Variants in DLGAP2 observed in about 807,000 individuals in gnomAD.
The protein encoded by DLGAP2 is disks large-associated protein 2.
DLGAP2 carries 26 observed loss-of-function variants against 100.3 expected under a neutral mutation model. The ratio of observed to expected loss-of-function variants is 0.26; its 90% CI spans 0.19 to 0.36. The LOEUF is 0.36. Among genes scored for constraint, DLGAP2 ranks in the 10% least tolerant of loss-of-function variants. The pLI is 1.00. For missense variants in DLGAP2, 1,858 were observed against 1,453.2 expected, an observed-to-expected ratio of 1.28 and a Z score of -4.53; for synonymous variants, 886 against 630.1, an observed-to-expected ratio of 1.41 and a Z score of -6.08.
intron 2 of DLGAP2, among the ~76,000 whole-genome samples, chr8:928,813 G>A (rs963834922): frequency 3.3e-5 from 5 of 151,958 alleles, no homozygotes; most frequent in Non-Finnish European, 5.9e-5. Flanking sequence ...TTTCTGTTGC[G>A]AAGCCTGATT....
intron 6 of DLGAP2, among the ~76,000 whole-genome samples, chr8:1,576,706 A>G (rs956109061): frequency 2.0e-5 from 3 of 152,184 alleles, no homozygotes; most frequent in African/African-American, 4.8e-5. Context: ...TCCCAGCACC[A>G]TTTATTAAAT....
At chr8:1,175,316 C>G (rs867230260) in intron 2 of DLGAP2, among the ~76,000 whole-genome samples, 1 of 151,884 alleles carries the variant, frequency 6.6e-6, no homozygotes, top group Admixed American at 6.6e-5. Context: ...AATACATGTA[C>G]GTGTGGGCTT....
chr8:1,267,747 C>T (rs1010416100), intron 3 of DLGAP2, among the ~76,000 whole-genome samples: 1 of 152,030 alleles, frequency 6.6e-6, no homozygotes, highest in Non-Finnish European at 1.5e-5. Context: ...CTTCCTTTGC[C>T]ATCCCTTCCC....
chr8:847,891 G>A (rs553379442), intron 1 of DLGAP2, among the ~76,000 whole-genome samples: 10 of 152,068 alleles, frequency 6.6e-5, no homozygotes, highest in Admixed American at 5.9e-4. Flanking sequence ...ACTTTCTTCT[G>A]TTCGGTGGTT....
At chr8:1,333,561 G>A (rs10104190) in intron 3 of DLGAP2, among the ~76,000 whole-genome samples, 113,950 of 151,500 alleles carry the variant, frequency 0.75, 43,562 homozygotes, top group African/African-American at 0.89. Flanking sequence ...TTGTTCATCC[G>A]GACACCTCCA....
intron 1 of DLGAP2, among the ~76,000 whole-genome samples, chr8:883,812 C>T (rs1280568573): frequency 1.3e-5 from 2 of 152,138 alleles, no homozygotes; most frequent in Non-Finnish European, 2.9e-5. Context: ...CGCAACAGGC[C>T]CTGGTGTGTG....
chr8:1,093,178 T>G (rs1019234036), intron 2 of DLGAP2, among the ~76,000 whole-genome samples: 1 of 152,136 alleles, frequency 6.6e-6, no homozygotes, highest in East Asian at 1.9e-4. Context: ...TCACCCACAG[T>G]CCACCAATCT....
intron 2 of DLGAP2, among the ~76,000 whole-genome samples, chr8:946,697 C>T (rs73673031): frequency 2.0e-3 from 307 of 152,274 alleles, no homozygotes; most frequent in Middle Eastern, 6.8e-3. Flanking sequence ...TGGCTGCCAC[C>T]GCAAAGCCCA....
At chr8:1,303,981 G>C (rs1190346766) in intron 3 of DLGAP2, among the ~76,000 whole-genome samples, 1 of 152,178 alleles carries the variant, frequency 6.6e-6, no homozygotes, top group Admixed American at 6.5e-5. Context: ...TTTTCCATTT[G>C]TGAGGAGAGT....
chr8:1,308,285 A>G (rs898032948), intron 3 of DLGAP2, among the ~76,000 whole-genome samples: 1 of 152,176 alleles, frequency 6.6e-6, no homozygotes, highest in African/African-American at 2.4e-5. Flanking sequence ...AAACAACCTT[A>G]AGAAACAGAG....
chr8:1,024,112 C>G (rs1048516444), intron 2 of DLGAP2, among the ~76,000 whole-genome samples: 3 of 151,882 alleles, frequency 2.0e-5, no homozygotes, highest in Non-Finnish European at 2.9e-5. Flanking sequence ...GTAAGTGAAT[C>G]CCCAGTGGAG....
chr8:1,253,596 G>T lies in DLGAP2; in HGVS notation c.74-5255G>T, dbSNP rs188394158. ...CCTTGTGCCAGAAAACACTGGGCTG[G>T]GCGTTTGCTGTTCACGTGTGGAGCT... is the stretch of plus-strand genomic sequence containing the variant. On this transcript the variant is annotated intron_variant, in intron 2 of 14. Coordinates refer to ENST00000637795, the MANE Select transcript of DLGAP2 (RefSeq NM_001346810.2). Among the ~76,000 whole-genome samples, 8 of 152,314 alleles carry T rather than the reference G, an allele frequency of 5.3e-5. No homozygotes were observed. The East Asian group carries it at 1.5e-3, about 29-fold the overall frequency.
intron 3 of DLGAP2, among the ~76,000 whole-genome samples, chr8:1,277,947 G>C (rs765341113): frequency 2.0e-5 from 3 of 152,176 alleles, no homozygotes; most frequent in Non-Finnish European, 2.9e-5. Context: ...TTCTAGATTG[G>C]GTATTGGTAG....
intron 1 of DLGAP2, among the ~76,000 whole-genome samples, chr8:781,993 A>G (rs1435165793): frequency 6.6e-6 from 1 of 152,130 alleles, no homozygotes; most frequent in Non-Finnish European, 1.5e-5. Context: ...GAAAGAGAAA[A>G]CCTGGTGTTC....
chr8:752,148 T>C (rs1820807557), intron 1 of DLGAP2, among the ~76,000 whole-genome samples: 1 of 152,186 alleles, frequency 6.6e-6, no homozygotes, highest in South Asian at 2.1e-4. Context: ...CACCCCCTTC[T>C]CCCTTCCCTG....
At chr8:808,230 G>A (rs1796305011) in intron 1 of DLGAP2, among the ~76,000 whole-genome samples, 1 of 152,198 alleles carries the variant, frequency 6.6e-6, no homozygotes, top group Non-Finnish European at 1.5e-5. Flanking sequence ...CTGCCTCAGT[G>A]ATACGTGTTG....
At chr8:1,106,547 T>G (rs1215872768) in intron 2 of DLGAP2, among the ~76,000 whole-genome samples, 1 of 150,868 alleles carries the variant, frequency 6.6e-6, no homozygotes, top group Non-Finnish European at 1.5e-5. Flanking sequence ...AGGGAGCCAT[T>G]CTAGGAGGGT....
At chr8:1,235,377 T>A (rs1482639702) in intron 2 of DLGAP2, among the ~76,000 whole-genome samples, 1 of 150,826 alleles carries the variant, frequency 6.6e-6, no homozygotes, top group Admixed American at 6.6e-5. Context: ...TCTAGTTCCC[T>A]CACACATGGC....
At chr8:1,460,378 A>T (rs144067931) in intron 3 of DLGAP2, among the ~76,000 whole-genome samples, 57 of 152,222 alleles carry the variant, frequency 3.7e-4, no homozygotes, top group Non-Finnish European at 7.6e-4. Flanking sequence ...AGTAAATTCA[A>T]TGTGTCAGAT....
Sources: allele counts gnomAD v4.1 joint callset (sites outside exome capture counted in the v4.1 genomes callset), GRCh38; gene constraint gnomAD v4.1.1; transcripts MANE v1.5; gene names NCBI Gene and HGNC (gene_info 2026-07-23, HGNC 2026-07-21).